The following RTCB variants were observed in gnomAD, a reference collection of about 807,000 sequenced individuals.
RTCB encodes the protein RNA-splicing ligase RTCB.
A neutral mutation model predicts 58.2 loss-of-function variants in RTCB; 32 were observed. The ratio of observed to expected loss-of-function variants is 0.55; its 90% CI spans 0.41 to 0.74. RTCB has a LOEUF of 0.74. Ranked by LOEUF, RTCB falls within the 30% of genes least tolerant of loss-of-function variation. RTCB has a pLI of 0.00. For missense variants in RTCB, 523 were observed against 639.0 expected (o/e 0.82, Z 1.96); for synonymous variants, 247 against 218.6 (o/e 1.13, Z -1.15).
At chr22:32,406,961 T>A (rs1367407223) in intron 3 of RTCB, among the ~76,000 whole-genome samples, 200 bp from the exon 4 acceptor site, 1 of 152,120 alleles carries the variant, frequency 6.6e-6, no homozygotes, top group Non-Finnish European at 1.5e-5. Flanking sequence ...GAAAAAAACT[T>A]TTTTATAAGA....
Position 32,401,764 on chromosome 22 carries a change from G to A in RTCB, c.480C>T (p.Val160=). ...GCTCTTACTTGGCATTCATTGGGAT[G>A]ACACCTTTTGACCCCACCCCAACAG... The part of the protein sequence containing the change: ...HIPVGVGSKG[V]IPMNAKDLEE... The change falls in exon 5 of 12, where the codon GTC becomes GTT. Residue 160 remains valine (V), a synonymous_variant. Transcript: ENST00000216038. 2 of 1,613,912 alleles carry A rather than the reference G, an allele frequency of 1.2e-6. No homozygotes were observed. Among genetic ancestry groups the A allele is most frequent in the Non-Finnish European group, 1.7e-6 (2 of 1,179,856 alleles).
At chr22:32,392,207 A>T (rs1178094193) in intron 11 of RTCB, 33 bp downstream of exon 11, 1 of 1,588,848 alleles carries the variant, frequency 6.3e-7, no homozygotes, top group African/African-American at 1.4e-5. Flanking sequence ...GGGGAACAAT[A>T]AATATTCATG....
intron 7 of RTCB, among the ~76,000 whole-genome samples, chr22:32,397,187 T>A (rs1477291416): frequency 6.6e-6 from 1 of 152,246 alleles, no homozygotes; most frequent in Admixed American, 6.5e-5. Flanking sequence ...ATTTCTGCGT[T>A]CATCCCGCTT....
intron 1 of RTCB, among the ~76,000 whole-genome samples, chr22:32,411,607 G>A (rs1441361991): frequency 6.6e-6 from 1 of 152,174 alleles, no homozygotes; most frequent in Non-Finnish European, 1.5e-5. Flanking sequence ...ACTGAATGCT[G>A]AAAACCTGGT....
In RTCB at chr22:32,392,721, G is replaced by A. The variant is rs183554808; in HGVS notation, c.1291-362C>T. Among the ~76,000 whole-genome samples the A allele has an allele frequency of 2.4e-3, 371 of 152,244 alleles. 1 individual carries two copies. The highest frequency in any genetic ancestry group is 0.014 in the Middle Eastern group (4 of 294). ...GATCTCCTTTGTTGAAAACTACTGGGTTAAAATTAGGAGTTGGGAGGCAGC... is the reference window on the plus strand; with the variant it reads ...GATCTCCTTTGTTGAAAACTACTGGATTAAAATTAGGAGTTGGGAGGCAGC... On this transcript the variant is annotated intron_variant, in intron 10 of 11. Coordinates refer to ENST00000216038, the MANE Select transcript of RTCB (RefSeq NM_014306.5).
chr22:32,398,214 G>T, intron 6 of RTCB, 114 bp from the exon 7 acceptor site: 1 of 1,194,182 alleles, frequency 8.4e-7, no homozygotes, highest in Non-Finnish European at 1.2e-6. Flanking sequence ...TACAAATAGT[G>T]TTTCAGTAAC....
At chr22:32,396,889 C>G (rs1439890670) in intron 7 of RTCB, among the ~76,000 whole-genome samples, 5 of 152,192 alleles carry the variant, frequency 3.3e-5, no homozygotes, top group Non-Finnish European at 7.3e-5. Flanking sequence ...TATGAGTAAA[C>G]AGCAAACTGT....
At chr22:32,405,697 G>C (rs1933407449) in intron 4 of RTCB, among the ~76,000 whole-genome samples, 1 of 152,096 alleles carries the variant, frequency 6.6e-6, no homozygotes, top group South Asian at 2.1e-4. Context: ...CCTTCAAACA[G>C]ATTTAAGAAA....
chr22:32,390,265 T>C (rs1227450243), intron 11 of RTCB, among the ~76,000 whole-genome samples: 1 of 152,202 alleles, frequency 6.6e-6, no homozygotes, highest in Admixed American at 6.5e-5. Flanking sequence ...CTCTAGCATA[T>C]AGAACAGTAC....
Position 32,394,410 on chromosome 22 carries a change from C to T in RTCB, c.1180-408G>A, listed in dbSNP as rs1291015185. On this transcript the variant is annotated intron_variant, in intron 9 of 11. Coordinates refer to ENST00000216038, the MANE Select transcript of RTCB (RefSeq NM_014306.5). Reference sequence around the variant, plus strand: ...ACAGGCGTAAGCCACCACACCCGGCCGGAGAAACCCAGACTTCTAAACGCG... The same window carrying T: ...ACAGGCGTAAGCCACCACACCCGGCTGGAGAAACCCAGACTTCTAAACGCG... Among the ~76,000 whole-genome samples the T allele has an allele frequency of 4.0e-5, 6 of 151,248 alleles. No homozygotes were observed. In the East Asian group the frequency reaches 5.9e-4, roughly 15 times the overall value.
chr22:32,402,008 A>T, intron 4 of RTCB, 105 bp from the exon 5 acceptor site: 2 of 1,198,226 alleles, frequency 1.7e-6, no homozygotes, highest in Non-Finnish European at 2.3e-6. Context: ...TTTTAAAGAT[A>T]ACTATGTTTT....
chr22:32,409,189 T>C (rs1176803982), intron 1 of RTCB, among the ~76,000 whole-genome samples: 2 of 104,302 alleles, frequency 1.9e-5, no homozygotes, highest in African/African-American at 8.5e-5. Flanking sequence ...ATATCAATGG[T>C]TTTTTGAAAA....
chr22:32,403,047 TA>T (rs144864019), intron 4 of RTCB, among the ~76,000 whole-genome samples: 5,265 of 152,206 alleles, frequency 0.035, 287 homozygotes, highest in African/African-American at 0.12. Flanking sequence ...ATCCAGCCTA[TA>T]AGTATTTTTT....
chr22:32,392,522 C>T (rs1412936694), intron 10 of RTCB, 163 bp from the exon 11 acceptor site: 8 of 939,444 alleles, frequency 8.5e-6, no homozygotes, highest in South Asian at 4.2e-5. Flanking sequence ...GATTTTGGAC[C>T]GGAGAATTCT....
intron 10 of RTCB, among the ~76,000 whole-genome samples, chr22:32,393,234 C>T (rs1276681681): frequency 6.6e-6 from 1 of 152,198 alleles, no homozygotes; most frequent in African/African-American, 2.4e-5. Flanking sequence ...CCATGCCTGG[C>T]CTAAAATAGT....
chr22:32,394,501 C>T (rs897432401), intron 9 of RTCB, among the ~76,000 whole-genome samples: 3 of 151,924 alleles, frequency 2.0e-5, no homozygotes, highest in South Asian at 2.1e-4. Context: ...AGGAAGAGGA[C>T]GAGAGTGAAA....
Position 32,387,946 on chromosome 22 carries a change from C to A in RTCB, c.*46G>T. 6.3e-6 allele frequency: 8 copies of A among 1,268,720 alleles called. No homozygotes were observed. Among genetic ancestry groups the A allele is most frequent in the Non-Finnish European group, 9.2e-6 (8 of 866,954 alleles). The allele number at this position is 1,268,720 out of a possible 1,614,324, so 78.6% of individuals were successfully genotyped here. On this transcript the variant is annotated 3_prime_UTR_variant, in exon 12 of 12. Transcript: ENST00000216038. ...AGAAGAGCATGTCAGTCCACTTCCA[C>A]TTCAGAGAGGGTTGGTGGTGTCAGG...
chr22:32,394,116 T>A, intron 9 of RTCB, 114 bp from the exon 10 acceptor site: 1 of 426,932 alleles, frequency 2.3e-6, no homozygotes, highest in Non-Finnish European at 3.9e-6. Flanking sequence ...CCAGACTTCT[T>A]TTTTTTTTTT....
At chr22:32,395,307 T>C in intron 8 of RTCB, 93 bp from the exon 9 acceptor site, 1 of 1,058,630 alleles carries the variant, frequency 9.4e-7, no homozygotes. Flanking sequence ...GGTAGTCTGT[T>C]CTGAAGGGAG....
Sources: gnomAD v4.1 joint callset for allele counts (sites outside exome capture counted in the v4.1 genomes callset) on GRCh38, gnomAD v4.1.1 for gene constraint, MANE v1.5 for transcripts, NCBI Gene and HGNC (gene_info 2026-07-23, HGNC 2026-07-21) for gene names.